Variants in FCHO1 observed in about 807,000 individuals in gnomAD.
The protein encoded by FCHO1 is FCH and mu domain containing endocytic adaptor 1.
In FCHO1, 45 loss-of-function variants were observed where a neutral mutation model predicts 114.4. The ratio of observed to expected loss-of-function variants is 0.39; its 90% CI spans 0.31 to 0.50. The LOEUF (loss-of-function observed/expected upper bound fraction) is 0.50, where lower values mean the gene tolerates loss of function less well. Ranked by LOEUF, FCHO1 falls within the 20% of genes least tolerant of loss-of-function variation. The pLI, the probability that FCHO1 is intolerant of heterozygous loss-of-function variation, is 0.77. For missense variants in FCHO1, 1,042 were observed against 1,209.6 expected, an observed-to-expected ratio of 0.86 and a Z score of 2.06; for synonymous variants, 480 against 488.9, an observed-to-expected ratio of 0.98 and a Z score of 0.24.
chr19:17,766,418 G>A (rs1406476298), intron 6 of FCHO1, among the ~76,000 whole-genome samples: 1 of 152,024 alleles, frequency 6.6e-6, no homozygotes, highest in Non-Finnish European at 1.5e-5. Context: ...GATTACCAGG[G>A]CCTGCGTTTA....
At chr19:17,750,827 CT>C (rs56003373), upstream of FCHO1, among the ~76,000 whole-genome samples, 9,818 of 134,044 alleles carry the variant, frequency 0.073, 297 homozygotes, top group Non-Finnish European at 0.1. Flanking sequence ...CCTTTCTTTT[CT>C]TTTTTTTTTT....
rs2092661048 is a variant in FCHO1, at chr19:17,776,581, G to A, written c.1208-54G>A. ...CCTCGGTCCCTTGGTCTGTGGAGTG[G>A]GGAGCATTGCAGGCAGGGTGACAAG... is the stretch of plus-strand genomic sequence containing the variant. On this transcript the variant is annotated intron_variant, in intron 17 of 28. Coordinates refer to ENST00000596536, the MANE Select transcript of FCHO1 (RefSeq NM_015122.3). This position sits in a 1 kb window ranked among gnomAD's most constrained non-coding sequence, Gnocchi z 4.4. The A allele has an allele frequency of 6.3e-7, 1 of 1,597,456 alleles. No homozygotes were observed. The highest frequency in any genetic ancestry group is 8.6e-7 in the Non-Finnish European group (1 of 1,165,160).
Position 17,783,071 on chromosome 19 carries a change from G to A in FCHO1, c.1992G>A (p.Val664=), listed in dbSNP as rs763633618. Residue 664 remains valine, a synonymous_variant, in exon 24 of 29, where the codon GTG becomes GTA. Transcript: ENST00000596536. ...ELTMTFPAGI[V]RVFSGTPPPP... ...CCATGACCTTCCCTGCTGGCATCGT[G>A]CGTGTGTTCAGCGGGACCCCACCAC... 1.2e-6 allele frequency: 2 copies of A among 1,614,110 alleles called. No individual in the cohort carries two copies. The highest frequency in any genetic ancestry group is 1.7e-6 in the Non-Finnish European group (2 of 1,180,010).
At chr19:17,750,706 G>A (rs2081673217), upstream of FCHO1, among the ~76,000 whole-genome samples, 1 of 152,026 alleles carries the variant, frequency 6.6e-6, no homozygotes, top group East Asian at 1.9e-4. Context: ...CAATCCACCT[G>A]CCTCGGCCTC....
At chr19:17,772,419 T>C (rs1194011182) in intron 9 of FCHO1, 38 bp from the exon 10 acceptor site, 1 of 1,521,820 alleles carries the variant, frequency 6.6e-7, no homozygotes, top group East Asian at 2.3e-5. Context: ...TTCTTGGCCC[T>C]GACCTCCTTT....
intron 4 of FCHO1, among the ~76,000 whole-genome samples, chr19:17,760,265 G>A (rs1452385914): frequency 6.6e-6 from 1 of 152,128 alleles, no homozygotes; most frequent in Non-Finnish European, 1.5e-5. Flanking sequence ...TGGCCAGTCT[G>A]GTCTCGAACT....
chr19:17,751,075 C>T (rs758891924), upstream of FCHO1, among the ~76,000 whole-genome samples: 6 of 151,988 alleles, frequency 3.9e-5, no homozygotes, highest in East Asian at 1.9e-4. This position sits in a 1 kb window ranked among gnomAD's most constrained non-coding sequence, Gnocchi z 4.4. Flanking sequence ...CTCTTGACCT[C>T]GTGATCCACC....
intron 13 of FCHO1, 153 bp downstream of exon 13, chr19:17,774,631 A>T: frequency 1.6e-6 from 1 of 630,426 alleles, no homozygotes; most frequent in East Asian, 2.8e-5. Context: ...GACCAGGAGT[A>T]CCTCTGCCCC....
intron 5 of FCHO1, among the ~76,000 whole-genome samples, chr19:17,763,747 G>C (rs1000923367): frequency 6.6e-6 from 1 of 151,544 alleles, no homozygotes; most frequent in Non-Finnish European, 1.5e-5. Flanking sequence ...TTTTTTTGTA[G>C]AGAAGGAGTC....
At position 17,770,438 on chromosome 19, in the gene FCHO1, T is replaced by G. The variant is rs1230004903; in HGVS notation, c.350T>G (p.Val117Gly). Residue 117 changes from valine to glycine, a missense_variant, in exon 8 of 29, where the codon GTG (valine) becomes GGG (glycine). Around this residue, in one of 3 missense-constraint regions of FCHO1, gnomAD observed 450 missense variants for 564.1 expected, o/e 0.80. Transcript: ENST00000596536. ...CCTACCCCGCAGTGCAAGGAGGAAG[T>G]GGTGAGCACCTTGGATGCTGTGCAG... The part of the protein sequence containing the change: ...LKTHKKCKEE[V>G]VSTLDAVQVL... 2 of 1,612,000 alleles carry G rather than the reference T, an allele frequency of 1.2e-6. No homozygotes were observed. Among genetic ancestry groups the G allele is most frequent in the Non-Finnish European group, 1.7e-6 (2 of 1,179,134 alleles).
rs773769332 is a variant in FCHO1 at position 17,781,471 on chromosome 19, C to T, written c.1760C>T (p.Ser587Phe). Residue 587 changes from serine to phenylalanine, a missense_variant, in exon 22 of 29, where the codon TCC becomes TTC. Ser to Phe is a radical substitution (Grantham distance 155). Transcript: ENST00000596536. ...NGDLSRSLSP[S>F]PLGSSAASTA... Reference sequence around the variant, plus strand: ...TTCCAGTCTCGTTCCCTGAGCCCCTCCCCACTGGGCTCTTCAGCCGCCAGC... The same window carrying T: ...TTCCAGTCTCGTTCCCTGAGCCCCTTCCCACTGGGCTCTTCAGCCGCCAGC... 9 of 1,613,948 alleles carry T rather than the reference C, an allele frequency of 5.6e-6. No individual in the cohort carries two copies. In the South Asian group the frequency reaches 9.9e-5, roughly 18 times the overall value.
chr19:17,773,628 G>A (rs993443682), intron 11 of FCHO1, among the ~76,000 whole-genome samples: 1 of 152,216 alleles, frequency 6.6e-6, no homozygotes, highest in Middle Eastern at 3.4e-3. Context: ...CTGCACAGAC[G>A]CATGGTCCAT....
chr19:17,781,868 G>GC (rs1189031371), intron 23 of FCHO1, 48 bp downstream of exon 23: 1 of 1,285,112 alleles, frequency 7.8e-7, no homozygotes, highest in South Asian at 1.4e-5. Context: ...TGTGTTGGGG[G>GC]AGTCCAGCAG....
At chr19:17,772,335 C>T in intron 9 of FCHO1, 122 bp from the exon 10 acceptor site, 1 of 733,442 alleles carries the variant, frequency 1.4e-6, no homozygotes, top group Non-Finnish European at 2.4e-6. Context: ...TCTCATTGGC[C>T]CTTCCCCAAA....
chr19:17,769,496 G>A (rs1440166251), intron 7 of FCHO1, among the ~76,000 whole-genome samples: 4 of 149,680 alleles, frequency 2.7e-5, no homozygotes, highest in African/African-American at 9.9e-5. Context: ...GGAGAATGGC[G>A]TGAACCCGGG....
At chr19:17,780,220 A>G (rs1054779027) in intron 20 of FCHO1, among the ~76,000 whole-genome samples, 29 of 138,332 alleles carry the variant, frequency 2.1e-4, no homozygotes, top group Admixed American at 6.5e-4. Flanking sequence ...GCTGGAGTGC[A>G]GTGGTGTGAT....
At chr19:17,755,746 C>T (rs2083264107) in intron 4 of FCHO1, 1 of 152,552 alleles carries the variant, frequency 6.6e-6, no homozygotes, top group Admixed American at 6.5e-5. Flanking sequence ...GCTGGGGTCT[C>T]CAAGAGAATC....
At chr19:17,781,424 C>G (rs1289796437) in intron 21 of FCHO1, 28 bp from the exon 22 acceptor site, 1 of 1,613,406 alleles carries the variant, frequency 6.2e-7, no homozygotes, top group South Asian at 1.1e-5. Flanking sequence ...GGGGCACTCA[C>G]AGCCAAGATT....
At chr19:17,774,570 C>T in intron 13 of FCHO1, 92 bp downstream of exon 13, 1 of 960,782 alleles carries the variant, frequency 1.0e-6, no homozygotes, top group Admixed American at 2.3e-5. Flanking sequence ...CTAGGATAGC[C>T]CAGGAGTATC....
Sources: gnomAD v4.1 joint callset for allele counts (sites outside exome capture counted in the v4.1 genomes callset) on GRCh38, gnomAD v4.1.1 for gene constraint, gnomAD v4.1.1 regional missense constraint, Gnocchi (gnomAD v3.1) non-coding constraint, MANE v1.5 for transcripts, NCBI Gene and HGNC (gene_info 2026-07-23, HGNC 2026-07-21) for gene names.